Variants in HDAC9 observed in about 807,000 individuals in gnomAD.
The protein encoded by HDAC9 is MEF-2 interacting transcription repressor (MITR) protein.
A neutral mutation model predicts 139.4 loss-of-function variants in HDAC9; 41 were observed. The observed-to-expected ratio is 0.29, with a 90% CI of 0.23 to 0.38. HDAC9 has a LOEUF of 0.38. HDAC9 is among the 10% of genes least tolerant of loss of function. The pLI is 1.00. For missense variants in HDAC9, 1,147 were observed against 1,297.0 expected, an observed-to-expected ratio of 0.88 and a Z score of 1.78; for synonymous variants, 517 against 476.2, an observed-to-expected ratio of 1.09 and a Z score of -1.12.
At chr7:18,498,289 A>T (rs926246067) in intron 2 of HDAC9, among the ~76,000 whole-genome samples, 1 of 152,088 alleles carries the variant, frequency 6.6e-6, no homozygotes, top group Non-Finnish European at 1.5e-5. Context: ...ACTGGCTCTC[A>T]AAGTTGGACT....
intron 13 of HDAC9, among the ~76,000 whole-genome samples, chr7:18,730,831 A>C (rs2129131807): frequency 6.6e-6 from 1 of 152,322 alleles, no homozygotes; most frequent in South Asian, 2.1e-4. Flanking sequence ...TCAAGAACTT[A>C]AACCTTTCAT....
intron 2 of HDAC9, among the ~76,000 whole-genome samples, chr7:18,222,433 A>C (rs937617898): frequency 6.6e-6 from 1 of 152,148 alleles, no homozygotes; most frequent in Non-Finnish European, 1.5e-5. Flanking sequence ...CTAGGAAAGT[A>C]ATTATTATGA....
At chr7:18,534,052 T>G (rs1809983142) in intron 2 of HDAC9, among the ~76,000 whole-genome samples, 1 of 152,174 alleles carries the variant, frequency 6.6e-6, no homozygotes, top group South Asian at 2.1e-4. Context: ...TGCGTGCACT[T>G]TATACTTTTT....
At chr7:18,750,405 C>CCATG (rs201821813) in intron 14 of HDAC9, among the ~76,000 whole-genome samples, 3 of 132,442 alleles carry the variant, frequency 2.3e-5, no homozygotes, top group Admixed American at 2.2e-4. Flanking sequence ...TACCACAACA[C>CCATG]CATGTACAGA....
At chr7:18,265,575 C>T (rs1382237910) in intron 2 of HDAC9, among the ~76,000 whole-genome samples, 1 of 151,786 alleles carries the variant, frequency 6.6e-6, no homozygotes, top group Non-Finnish European at 1.5e-5. Flanking sequence ...CTATAAATGA[C>T]TCTTTAGTCA....
chr7:18,285,862 T>C (rs756188564), upstream of HDAC9, among the ~76,000 whole-genome samples: 2 of 152,116 alleles, frequency 1.3e-5, no homozygotes, highest in Non-Finnish European at 2.9e-5. Flanking sequence ...TAGCACTAAA[T>C]TTAGTCAAGT....
intron 12 of HDAC9, among the ~76,000 whole-genome samples, chr7:18,721,368 A>C (rs1225629683): frequency 2.0e-5 from 3 of 151,996 alleles, no homozygotes; most frequent in Non-Finnish European, 4.4e-5. Context: ...TGTGATATTA[A>C]TTTGCAAATT....
intron 21 of HDAC9, among the ~76,000 whole-genome samples, chr7:18,846,093 A>G (rs1796886250): frequency 6.6e-6 from 1 of 152,210 alleles, no homozygotes; most frequent in Admixed American, 6.5e-5. Flanking sequence ...TGATTGCAAG[A>G]TAATTATCTT....
chr7:18,590,019 T>C (rs2128818406), intron 3 of HDAC9, among the ~76,000 whole-genome samples: 1 of 152,306 alleles, frequency 6.6e-6, no homozygotes, highest in South Asian at 2.1e-4. Context: ...TTTTCCTGTT[T>C]GTATGTTCAA....
At chr7:18,810,692 T>C (rs1354946624) in intron 17 of HDAC9, among the ~76,000 whole-genome samples, 5 of 151,898 alleles carry the variant, frequency 3.3e-5, no homozygotes, top group Non-Finnish European at 7.4e-5. Flanking sequence ...ACCTAGATCA[T>C]AGGCAGACAC....
chr7:18,280,652 A>C (rs1797046000), intron 2 of HDAC9, among the ~76,000 whole-genome samples: 1 of 151,798 alleles, frequency 6.6e-6, no homozygotes, highest in African/African-American at 2.4e-5. Flanking sequence ...AGTCCCAGCT[A>C]CTCAGGAGGC....
intron 1 of HDAC9, among the ~76,000 whole-genome samples, chr7:18,477,712 T>A (rs1016803776): frequency 2.6e-5 from 4 of 152,112 alleles, no homozygotes; most frequent in African/African-American, 9.7e-5. Flanking sequence ...TTATGTCGAT[T>A]CTTAAAATTG....
intron 1 of HDAC9, among the ~76,000 whole-genome samples, chr7:18,339,272 T>C (rs1021350011): frequency 6.6e-6 from 1 of 151,462 alleles, no homozygotes; most frequent in African/African-American, 2.4e-5. Context: ...TGATTTCCAC[T>C]CTGATCTTCA....
At chr7:18,166,059 A>G (rs550014813) in intron 2 of HDAC9, among the ~76,000 whole-genome samples, 46 of 152,316 alleles carry the variant, frequency 3.0e-4, no homozygotes, top group Non-Finnish European at 5.7e-4. Flanking sequence ...TTTTAAATAA[A>G]TTGGGCTACA....
intron 2 of HDAC9, among the ~76,000 whole-genome samples, chr7:18,528,972 T>G (rs1807901608): frequency 6.6e-6 from 1 of 152,166 alleles, no homozygotes; most frequent in South Asian, 2.1e-4. Flanking sequence ...TCTGGGGTAT[T>G]TGTATTACAT....
intron 1 of HDAC9, among the ~76,000 whole-genome samples, chr7:18,092,401 T>TA (rs1782222169): frequency 6.7e-6 from 1 of 148,228 alleles, no homozygotes; most frequent in Non-Finnish European, 1.5e-5. Flanking sequence ...CTTTCTTTCT[T>TA]TTTTTTTTTT....
intron 13 of HDAC9, among the ~76,000 whole-genome samples, chr7:18,732,199 C>A (rs1358747025): frequency 6.6e-6 from 1 of 152,076 alleles, no homozygotes; most frequent in African/African-American, 2.4e-5. Flanking sequence ...TTCGTGGTAA[C>A]ATTTATACTT....
At chr7:18,911,451 T>C (rs1439201125) in intron 22 of HDAC9, among the ~76,000 whole-genome samples, 1 of 151,900 alleles carries the variant, frequency 6.6e-6, no homozygotes, top group African/African-American at 2.4e-5. Context: ...ATTTTGTTTA[T>C]CTTTTATTTT....
intron 1 of HDAC9, among the ~76,000 whole-genome samples, chr7:18,148,969 C>T (rs960433635): frequency 2.0e-5 from 3 of 152,146 alleles, no homozygotes; most frequent in Admixed American, 6.5e-5. Flanking sequence ...CTACACAGAT[C>T]ATAGGGTGTC....
Sources: allele counts gnomAD v4.1 joint callset (sites outside exome capture counted in the v4.1 genomes callset), GRCh38; gene constraint gnomAD v4.1.1; transcripts MANE v1.5; gene names NCBI Gene and HGNC (gene_info 2026-07-23, HGNC 2026-07-21).